DYM: variants seen among roughly 807,000 people sequenced by gnomAD.
DYM encodes the protein dyggve-Melchior-Clausen syndrome protein.
DYM carries 78 observed loss-of-function variants against 93.1 expected under a neutral mutation model. That is an observed-to-expected ratio of 0.84 (90% confidence interval 0.70 to 1.01). The LOEUF is 1.01. Ranked by LOEUF, DYM falls within the 50% of genes least tolerant of loss-of-function variation. DYM has a pLI of 0.00. For synonymous variants in DYM, 321 were observed against 319.7 expected (o/e 1.00, Z -0.04); for missense variants, 789 against 845.0 (o/e 0.93, Z 0.82).
intron 5 of DYM, among the ~76,000 whole-genome samples, chr18:49,369,009 T>C (rs147599895): frequency 1.3e-5 from 2 of 152,264 alleles, no homozygotes; most frequent in Admixed American, 6.5e-5. Context: ...CAATGCTGAC[T>C]GAAAGCGCGG....
intron 14 of DYM, among the ~76,000 whole-genome samples, chr18:49,171,349 TTC>T (rs2088697944): frequency 6.6e-6 from 1 of 152,066 alleles, no homozygotes; most frequent in Admixed American, 6.6e-5. Flanking sequence ...CTCAGCCAAC[TTC>T]TCTCTCCATG....
intron 16 of DYM, among the ~76,000 whole-genome samples, chr18:49,107,720 G>A (rs77539884): frequency 5.3e-5 from 8 of 152,294 alleles, no homozygotes; most frequent in South Asian, 2.1e-4. Flanking sequence ...ACAGAACAGC[G>A]GATATTGGTG....
chr18:49,200,378 T>C (rs1346620215), intron 14 of DYM, among the ~76,000 whole-genome samples: 1 of 151,948 alleles, frequency 6.6e-6, no homozygotes, highest in African/African-American at 2.4e-5. Context: ...ATGTAGTTGT[T>C]TTAATAGCAG....
chr18:49,047,329 C>T (rs1305303453), intron 17 of DYM, among the ~76,000 whole-genome samples: 3 of 152,220 alleles, frequency 2.0e-5, no homozygotes, highest in Non-Finnish European at 2.9e-5. Flanking sequence ...TTGCCATCAT[C>T]AGCGCAGGCT....
chr18:49,157,191 G>A (rs2086564158), intron 15 of DYM, among the ~76,000 whole-genome samples: 1 of 152,092 alleles, frequency 6.6e-6, no homozygotes, highest in African/African-American at 2.4e-5. Flanking sequence ...AAATCCTCCG[G>A]ATGTTGCTGC....
chr18:49,259,474 G>A (rs1347443777), intron 11 of DYM, among the ~76,000 whole-genome samples: 1 of 152,178 alleles, frequency 6.6e-6, no homozygotes, highest in Non-Finnish European at 1.5e-5. Context: ...CAACAAATAA[G>A]GGGTAAAATA....
At chr18:49,316,060 T>G (rs1001174959) in intron 8 of DYM, among the ~76,000 whole-genome samples, 3 of 152,186 alleles carry the variant, frequency 2.0e-5, no homozygotes, top group Non-Finnish European at 4.4e-5. Context: ...GGTGAGCAGA[T>G]TGCTTGAGGT....
chr18:49,441,339 A>G (rs1409707611), intron 1 of DYM, among the ~76,000 whole-genome samples: 2 of 75,948 alleles, frequency 2.6e-5, no homozygotes, highest in East Asian at 6.5e-4. Flanking sequence ...ATATAATTAT[A>G]TATAATTAAT....
chr18:49,107,494 G>A (rs2080957362), intron 16 of DYM, among the ~76,000 whole-genome samples: 1 of 152,158 alleles, frequency 6.6e-6, no homozygotes, highest in Non-Finnish European at 1.5e-5. Flanking sequence ...GATTTTTAGA[G>A]TTTCCAGGTT....
At chr18:49,288,205 C>T (rs2059789975) in intron 8 of DYM, among the ~76,000 whole-genome samples, 1 of 152,106 alleles carries the variant, frequency 6.6e-6, no homozygotes, top group Non-Finnish European at 1.5e-5. Context: ...CCATTACTGA[C>T]ACACTATAAC....
At chr18:49,112,089 G>A (rs1003640932) in intron 16 of DYM, among the ~76,000 whole-genome samples, 2 of 138,094 alleles carry the variant, frequency 1.4e-5, no homozygotes, top group Non-Finnish European at 3.2e-5. Flanking sequence ...AGGGCAACAA[G>A]GTTTGGTGCC....
intron 1 of DYM, among the ~76,000 whole-genome samples, chr18:49,453,096 T>C (rs1384790795): frequency 7.5e-6 from 1 of 134,142 alleles, no homozygotes; most frequent in African/African-American, 2.9e-5. Flanking sequence ...ACACCCTGTG[T>C]CTAGCTCAAG....
chr18:49,239,730 T>C (rs1003274508), intron 13 of DYM, among the ~76,000 whole-genome samples: 1 of 152,216 alleles, frequency 6.6e-6, no homozygotes. Context: ...GGGAGCACAC[T>C]GGACACCCAG....
chr18:49,272,667 A>G (rs1463354720), intron 10 of DYM, among the ~76,000 whole-genome samples: 1 of 152,174 alleles, frequency 6.6e-6, no homozygotes, highest in Non-Finnish European at 1.5e-5. Context: ...TCAGAAGTTA[A>G]CTTTTTAATT....
At chr18:49,331,812 A>T in intron 8 of DYM, 52 bp downstream of exon 8, 1 of 1,606,452 alleles carries the variant, frequency 6.2e-7, no homozygotes, top group Non-Finnish European at 8.5e-7. Flanking sequence ...TTATGCCTAA[A>T]TAGATAAAAT....
At chr18:49,087,726 G>T (rs2078674904) in intron 17 of DYM, among the ~76,000 whole-genome samples, 1 of 152,082 alleles carries the variant, frequency 6.6e-6, no homozygotes, top group Non-Finnish European at 1.5e-5. Flanking sequence ...CTAGTTTACA[G>T]TCCCACCAAC....
intron 17 of DYM, among the ~76,000 whole-genome samples, chr18:49,076,480 T>C (rs958671925): frequency 9.9e-5 from 15 of 152,232 alleles, no homozygotes; most frequent in Non-Finnish European, 1.5e-4. Flanking sequence ...AAATCATTTT[T>C]CTGGAGCCAT....
At chr18:49,207,404 A>C (rs1403400978) in intron 14 of DYM, among the ~76,000 whole-genome samples, 1 of 152,276 alleles carries the variant, frequency 6.6e-6, no homozygotes, top group Non-Finnish European at 1.5e-5. Context: ...CAAAGAACAC[A>C]GAAGAGAAGC....
intron 8 of DYM, among the ~76,000 whole-genome samples, chr18:49,317,288 T>C (rs751783641): frequency 2.0e-5 from 3 of 152,210 alleles, no homozygotes; most frequent in Admixed American, 6.5e-5. Flanking sequence ...AAGAGAATGA[T>C]AGTGGAGCCT....
Sources: gnomAD v4.1 joint callset for allele counts (sites outside exome capture counted in the v4.1 genomes callset) on GRCh38, gnomAD v4.1.1 for gene constraint, MANE v1.5 for transcripts, NCBI Gene and HGNC (gene_info 2026-07-23, HGNC 2026-07-21) for gene names.